Variants in ADGRV1 observed in about 807,000 individuals in gnomAD.
ADGRV1 encodes G-protein coupled receptor 98.
Under a neutral mutation model 596.2 loss-of-function variants are expected in ADGRV1, and 359 were observed. The ratio of observed to expected loss-of-function variants is 0.60; its 90% CI spans 0.55 to 0.66. The LOEUF (loss-of-function observed/expected upper bound fraction) is 0.66, where lower values mean the gene tolerates loss of function less well. ADGRV1 is among the 30% of genes least tolerant of loss of function. The pLI, the probability that ADGRV1 is intolerant of heterozygous loss-of-function variation, is 0.00. For missense variants in ADGRV1, 7,274 were observed against 7,575.6 expected (o/e 0.96, Z 1.48); for synonymous variants, 2,681 against 2,679.2 (o/e 1.00, Z -0.02).
Position 90,643,882 on chromosome 5 carries a change from T to C in ADGRV1, c.2633T>C (p.Ile878Thr), listed in dbSNP as rs1767333735. Residue 878 changes from isoleucine (I) to threonine (T), a missense_variant, in exon 14 of 90, where the codon ATA becomes ACA. Transcript: ENST00000405460. ...TTGGGAAGTGCCACCATTGTCAATA[T>C]AACGATTCTGAAAAATGATGATCCT... The part of the protein sequence containing the change: ...SKLGSATIVN[I>T]TILKNDDPHG... 1.9e-6 allele frequency: 3 copies of C among 1,611,730 alleles called. No homozygotes were observed. In the Admixed American group the frequency reaches 5.0e-5, roughly 27 times the overall value.
chr5:90,769,704 CT>C (rs1186457590), intron 59 of ADGRV1, among the ~76,000 whole-genome samples: 63 of 152,110 alleles, frequency 4.1e-4, no homozygotes, highest in African/African-American at 1.4e-3. Context: ...TTATTTTAAT[CT>C]CTTCACTCAA....
chr5:90,609,109 T>TTCCTAC (rs760206361), intron 1 of ADGRV1, among the ~76,000 whole-genome samples: 99 of 152,022 alleles, frequency 6.5e-4, no homozygotes, highest in Non-Finnish European at 1.0e-3. Flanking sequence ...CTGTCTTCTG[T>TTCCTAC]AGGAATACAT....
Position 90,558,830 on chromosome 5 carries a change from C to G in ADGRV1, c.-66C>G, listed in dbSNP as rs1476499798. On this transcript the variant is annotated 5_prime_UTR_variant, in exon 1 of 90. Coordinates refer to ENST00000405460, the MANE Select transcript of ADGRV1 (RefSeq NM_032119.4). Reference sequence around the variant, plus strand: ...GAATCAGCAGCGCGGGCAAGGAGTACGGACGGGAGTCAGAGGCAGAGCGAG... The same window carrying G: ...GAATCAGCAGCGCGGGCAAGGAGTAGGGACGGGAGTCAGAGGCAGAGCGAG... 1.3e-6 allele frequency: 2 copies of G among 1,510,384 alleles called. No individual in the cohort carries two copies. The highest frequency in any genetic ancestry group is 4.8e-5 in the East Asian group (2 of 41,250). The allele number at this position is 1,510,384 out of a possible 1,614,324, so 93.6% of individuals were successfully genotyped here. A position where few individuals can be genotyped will look rare whatever the true frequency, so the allele number is the denominator to read the frequency against.
chr5:91,161,683 T>G (rs1452177106), intron 89 of ADGRV1, among the ~76,000 whole-genome samples: 1 of 152,210 alleles, frequency 6.6e-6, no homozygotes, highest in Admixed American at 6.5e-5. Context: ...GCTTTATGGC[T>G]TATGTATACA....
intron 84 of ADGRV1, among the ~76,000 whole-genome samples, chr5:90,983,259 T>C (rs1380189542): frequency 6.6e-6 from 1 of 152,212 alleles, no homozygotes; most frequent in Non-Finnish European, 1.5e-5. Context: ...AATCTAACAA[T>C]TACATTTGTC....
chr5:90,779,736 G>T (rs182600948), intron 64 of ADGRV1: 1 of 152,284 alleles, frequency 6.6e-6, no homozygotes, highest in Admixed American at 6.5e-5. Context: ...AGGTTCTGCA[G>T]CTCACAGGTT....
rs397517427 is a variant in ADGRV1, at chr5:90,965,478, G to T, written c.17920G>T (p.Ala5974Ser). The change falls in exon 84 of 90, where the codon GCT (alanine) becomes TCT (serine). Residue 5974 changes from alanine (A) to serine (S), a missense_variant. By Grantham distance (99) the Ala-to-Ser change is moderately conservative. Around this residue, in one of 5 missense-constraint regions of ADGRV1, gnomAD observed 1,874 missense variants for 1,970.2 expected, o/e 0.95. Transcript: ENST00000405460. ...QLAEESCSAM[A>S]AVTHYLYLCQ... ...CGCTGAGGAGAGCTGTTCAGCTATG[G>T]CTGCTGTCACACATTACCTGTATCT... The T allele has an allele frequency of 5.5e-5, 89 of 1,613,658 alleles. No homozygotes were observed. The highest frequency in any genetic ancestry group is 7.3e-5 in the Non-Finnish European group (86 of 1,179,738).
chr5:90,705,140 G>T (rs1054457218), intron 36 of ADGRV1, among the ~76,000 whole-genome samples: 1 of 152,064 alleles, frequency 6.6e-6, no homozygotes, highest in Non-Finnish European at 1.5e-5. Flanking sequence ...AATTATCTGG[G>T]TACTTTCCTC....
chr5:90,995,591 G>T (rs1170434335), intron 85 of ADGRV1, among the ~76,000 whole-genome samples: 1 of 152,172 alleles, frequency 6.6e-6, no homozygotes, highest in South Asian at 2.1e-4. Context: ...GTGGGGCATT[G>T]TTATGAAGAT....
intron 85 of ADGRV1, among the ~76,000 whole-genome samples, chr5:90,994,612 G>T (rs553352085): frequency 2.0e-5 from 3 of 152,020 alleles, no homozygotes; most frequent in Middle Eastern, 3.4e-3. Context: ...TATCTTCTTG[G>T]TTTTTTGCAT....
intron 85 of ADGRV1, among the ~76,000 whole-genome samples, chr5:90,989,442 T>C (rs1780783685): frequency 1.3e-5 from 2 of 152,206 alleles, no homozygotes; most frequent in Non-Finnish European, 2.9e-5. Flanking sequence ...AATCATGAAT[T>C]ATTTTCTAAT....
rs1768914855 is a variant in ADGRV1 at position 90,653,348 on chromosome 5, G to T, written c.3774G>T (p.Leu1258=). The T allele has an allele frequency of 6.2e-7, 1 of 1,613,796 alleles. No homozygotes were observed. The highest frequency in any genetic ancestry group is 8.5e-7 in the Non-Finnish European group (1 of 1,179,862). ...AGAGAGAAGTGGCAGAAGATGTCCT[G>T]TCTGAAGATGATATGTCTTATATTA... ...CLEREVAEDV[L]SEDDMSYITN... Residue 1258 remains leucine (L), a synonymous_variant, in exon 20 of 90, where the codon CTG becomes CTT. Coordinates refer to ENST00000405460, the MANE Select transcript of ADGRV1 (RefSeq NM_032119.4).
intron 1 of ADGRV1, among the ~76,000 whole-genome samples, chr5:90,613,344 A>G (rs1239755094): frequency 6.6e-6 from 1 of 152,068 alleles, no homozygotes; most frequent in South Asian, 2.1e-4. Context: ...ATGTGAAATC[A>G]TTCTGGCTTT....
At chr5:90,789,595 T>C (rs1410762791) in intron 68 of ADGRV1, 107 bp from the exon 69 acceptor site, 4 of 672,530 alleles carry the variant, frequency 5.9e-6, no homozygotes, top group Admixed American at 6.4e-5. Flanking sequence ...GTGTCATTTT[T>C]ATGTTTCTTT....
At chr5:90,928,087 G>A (rs1322995785) in intron 83 of ADGRV1, among the ~76,000 whole-genome samples, 1 of 152,004 alleles carries the variant, frequency 6.6e-6, no homozygotes, top group East Asian at 1.9e-4. Context: ...TTTCAACTTT[G>A]GTGAATCTGA....
chr5:91,007,605 T>C (rs1782383247), intron 85 of ADGRV1, among the ~76,000 whole-genome samples: 1 of 152,180 alleles, frequency 6.6e-6, no homozygotes, highest in South Asian at 2.1e-4. Flanking sequence ...TATTAGTATT[T>C]TGATGTACTG....
intron 85 of ADGRV1, among the ~76,000 whole-genome samples, chr5:91,054,733 C>CA (rs753591218): frequency 8.1e-4 from 124 of 152,302 alleles, no homozygotes; most frequent in Non-Finnish European, 1.5e-3. Flanking sequence ...ATCACTCCCC[C>CA]AAAGCCCTTC....
chr5:90,601,501 G>T (rs914763714), intron 1 of ADGRV1, among the ~76,000 whole-genome samples: 8 of 152,128 alleles, frequency 5.3e-5, no homozygotes, highest in Non-Finnish European at 7.3e-5. Flanking sequence ...AACCAATCAG[G>T]ATAGAGAATT....
Position 90,694,585 on chromosome 5 carries a change from T to C in ADGRV1, c.7829T>C (p.Ile2610Thr), listed in dbSNP as rs752592613. Residue 2610 changes from isoleucine (I) to threonine (T), a missense_variant, in exon 33 of 90, where the codon ATA becomes ACA. Transcript: ENST00000405460. The stretch of plus-strand genomic sequence containing the variant: ...CCCCAAACCTTGGTGGAGCTGATGA[T>C]ACACAGGACAGGGGGCAGCTTAGGT... ...EQPQTLVELM[I>T]HRTGGSLGQV... is the part of the protein sequence containing the mutation. 1.2e-6 allele frequency: 2 copies of C among 1,613,858 alleles called. No individual in the cohort carries two copies. The highest frequency in any genetic ancestry group is 3.3e-5 in the Admixed American group (2 of 59,998).
Sources: allele counts gnomAD v4.1 joint callset (sites outside exome capture counted in the v4.1 genomes callset), GRCh38; gene constraint gnomAD v4.1.1; regional missense constraint gnomAD v4.1.1; transcripts MANE v1.5; gene names NCBI Gene and HGNC (gene_info 2026-07-23, HGNC 2026-07-21).